RPLP0: variants seen among roughly 807,000 people sequenced by gnomAD.
RPLP0 encodes large ribosomal subunit protein uL10.
For missense variants in RPLP0, 276 were observed against 402.9 expected (o/e 0.69, Z 2.70); for synonymous variants, 137 against 153.4 (o/e 0.89, Z 0.79).
Position 120,198,779 on chromosome 12 carries a change from C to A in RPLP0, c.466-40G>T, listed in dbSNP as rs765771234. The A allele has an allele frequency of 6.2e-7, 1 of 1,609,238 alleles. No homozygotes were observed. Among genetic ancestry groups the A allele is most frequent in the East Asian group, 2.2e-5 (1 of 44,844 alleles). On this transcript the variant is annotated intron_variant, in intron 5 of 7. Transcript: ENST00000392514. This position sits in a 1 kb window ranked among gnomAD's most constrained non-coding sequence, Gnocchi z 4.1. ...AGTGGGGCAGTAAACACCTGTTGGA[C>A]AACCAGCAGATCCATGGCCACTAAA...
intron 2 of RPLP0, 176 bp downstream of exon 2, chr12:120,200,554 C>T: frequency 1.6e-6 from 1 of 642,232 alleles, no homozygotes; most frequent in Non-Finnish European, 2.6e-6. Flanking sequence ...CTTGCCTGAG[C>T]CCGTTTATCT....
chr12:120,200,647 T>G, intron 2 of RPLP0, 83 bp downstream of exon 2: 3 of 1,475,572 alleles, frequency 2.0e-6, no homozygotes, highest in South Asian at 2.5e-5. Context: ...CCGGTGTGAG[T>G]AGACCCTCAG....
chr12:120,197,510 G>C (rs1879228655), intron 6 of RPLP0, 48 bp from the exon 7 acceptor site: 2 of 1,513,600 alleles, frequency 1.3e-6, no homozygotes. Context: ...TACAGGAAAG[G>C]AAGTCCAAGT....
intron 2 of RPLP0, 33 bp from the exon 3 acceptor site, chr12:120,199,518 A>G (rs768918485): frequency 1.2e-6 from 2 of 1,600,644 alleles, no homozygotes; most frequent in Non-Finnish European, 1.7e-6. Context: ...GCCAAGTTTA[A>G]CAGGAAGAGA....
chr12:120,200,996 T>A, intron 1 of RPLP0, 87 bp downstream of exon 1: 1 of 728,750 alleles, frequency 1.4e-6, no homozygotes, highest in Non-Finnish European at 2.1e-6. Context: ...CGGAACAGAA[T>A]AGGACTCCAT....
rs573943623 is a variant in RPLP0, at chr12:120,199,646, GGAT to G, written c.55-164_55-162del. ...AGCTACGTTGTAACACTGCCAAACT[GGAT>G]GATTGGCTAGCTGGGTATGAACGCT... On this transcript the variant is annotated intron_variant, in intron 2 of 7. Coordinates refer to ENST00000392514, the MANE Select transcript of RPLP0 (RefSeq NM_001002.4). 5.2e-4 allele frequency: 348 copies of G among 665,896 alleles called. 1 individual carries two copies. The highest frequency in any genetic ancestry group is 3.6e-3 in the African/African-American group (199 of 55,220). 41.2% of individuals were successfully genotyped at this position (665,896 alleles called of 1,614,324 possible). A position where few individuals can be genotyped will look rare whatever the true frequency, so the allele number is the denominator to read the frequency against.
rs1227730541 is a variant in RPLP0, at chr12:120,198,386, CAAAA to C, written c.651+164_651+167del. 939 of 526,154 alleles carry C rather than the reference CAAAA, an allele frequency of 1.8e-3. 2 individuals are homozygous for C. The highest frequency in any genetic ancestry group is 0.012 in the Middle Eastern group (23 of 1,954). The allele number at this position is 526,154 out of a possible 1,614,324, so 32.6% of individuals were successfully genotyped here. A position where few individuals can be genotyped will look rare whatever the true frequency, so the allele number is the denominator to read the frequency against. Reference sequence around the variant, plus strand: ...GGGCGACACAGCAAGACTCTGTCTCCAAAAAAAAAAAAAAAAAATCCTTCAACAA... The same window carrying C: ...GGGCGACACAGCAAGACTCTGTCTCCAAAAAAAAAAAAAATCCTTCAACAA... On this transcript the variant is annotated intron_variant, in intron 6 of 7. Transcript: ENST00000392514. This position sits in a 1 kb window ranked among gnomAD's most constrained non-coding sequence, Gnocchi z 4.1.
rs572962769 is a variant in RPLP0 at position 120,198,929 on chromosome 12, G to C, written c.390C>G (p.Leu130=). Residue 130 remains leucine (L), a synonymous_variant, in exon 5 of 8, where the codon CTC becomes CTG. Coordinates refer to ENST00000392514, the MANE Select transcript of RPLP0 (RefSeq NM_001002.4). The surrounding 1 kb of genome is among the most constrained non-coding windows in gnomAD (Gnocchi z 4.1). The part of the protein sequence containing the change: ...EVTVPAQNTG[L]GPEKTSFFQA... ...GGAAAAAGGAGGTCTTCTCGGGCCC[G>C]AGACCAGTGTTCTGGGCTGGCACAG... The C allele has an allele frequency of 1.9e-6, 3 of 1,612,972 alleles. No individual in the cohort carries two copies. Among genetic ancestry groups the C allele is most frequent in the Admixed American group, 1.7e-5 (1 of 59,988 alleles).
rs11548351 is a variant in RPLP0, at chr12:120,198,635, C to A, written c.570G>T (p.Gln190His). 1 of 1,614,054 alleles carries A rather than the reference C, an allele frequency of 6.2e-7. No individual in the cohort carries two copies. Among genetic ancestry groups the A allele is most frequent in the South Asian group, 1.1e-5 (1 of 91,078 alleles). Reference protein sequence around the residue: ...ISPFSFGLVIQQVFDNGSIYN... With the variant: ...ISPFSFGLVIHQVFDNGSIYN... ...AGATGCTGCCATTGTCGAACACCTGCTGGATGACCAGCCCAAAGGAGAAGG... is the reference window on the plus strand; with the variant it reads ...AGATGCTGCCATTGTCGAACACCTGATGGATGACCAGCCCAAAGGAGAAGG... Residue 190 changes from glutamine (Q) to histidine (H), a missense_variant, in exon 6 of 8, where the codon CAG (glutamine) becomes CAT (histidine). Coordinates refer to ENST00000392514, the MANE Select transcript of RPLP0 (RefSeq NM_001002.4). This position sits in a 1 kb window ranked among gnomAD's most constrained non-coding sequence, Gnocchi z 4.1.
chr12:120,200,180 T>C (rs1344841926), intron 2 of RPLP0: 5 of 449,480 alleles, frequency 1.1e-5, no homozygotes, highest in African/African-American at 2.0e-5. Flanking sequence ...AACTGTAATG[T>C]GCGGCCGGGC....
intron 2 of RPLP0, chr12:120,200,198 C>A: frequency 2.3e-6 from 1 of 439,282 alleles, no homozygotes; most frequent in Non-Finnish European, 4.6e-6. Flanking sequence ...GGCGCGGTGG[C>A]TCACACCTGT....
chr12:120,198,402 A>AC lies in RPLP0; in HGVS notation c.651+151_651+152insG, dbSNP rs3832873. ...CTCTGTCTCCAAAAAAAAAAAAAAA[A>AC]AATCCTTCAACAATCTTATGTTGTT... On this transcript the variant is annotated intron_variant, in intron 6 of 7. Transcript: ENST00000392514. This position sits in a 1 kb window ranked among gnomAD's most constrained non-coding sequence, Gnocchi z 4.1. The AC allele has an allele frequency of 0.09, 72,435 of 808,776 alleles. 2,072 individuals carry two copies. The highest frequency in any genetic ancestry group is 0.3 in the East Asian group (9,970 of 33,520). 50.1% of individuals were successfully genotyped at this position (808,776 alleles called of 1,614,324 possible).
Position 120,198,673 on chromosome 12 carries a change from G to T in RPLP0, c.532C>A (p.Leu178Ile), listed in dbSNP as rs182313909. 6.2e-7 allele frequency: 1 copy of T among 1,614,064 alleles called. No homozygotes were observed. Among genetic ancestry groups the T allele is most frequent in the East Asian group, 2.2e-5 (1 of 44,888 alleles). The change falls in exon 6 of 8, where the codon CTC becomes ATC. Residue 178 changes from leucine to isoleucine, a missense_variant. Coordinates refer to ENST00000392514, the MANE Select transcript of RPLP0 (RefSeq NM_001002.4). The surrounding 1 kb of genome is among the most constrained non-coding windows in gnomAD (Gnocchi z 4.1). Reference protein sequence around the residue: ...GASEATLLNMLNISPFSFGLV... With the variant: ...GASEATLLNMINISPFSFGLV... The stretch of plus-strand genomic sequence containing the variant: ...CCAAAGGAGAAGGGGGAGATGTTGA[G>T]CATGTTCAGCAGCGTGGCTTCGCTG...
intron 2 of RPLP0, 32 bp downstream of exon 2, chr12:120,200,698 T>C (rs1297599454): frequency 1.2e-6 from 2 of 1,600,144 alleles, no homozygotes; most frequent in South Asian, 1.1e-5. Context: ...TGGGGCAACA[T>C]GAAGAGCAGA....
intron 1 of RPLP0, 64 bp from the exon 2 acceptor site, chr12:120,200,895 AGAG>A: frequency 6.7e-7 from 1 of 1,494,892 alleles, no homozygotes; most frequent in South Asian, 1.3e-5. Context: ...CCCGGGCCTA[AGAG>A]GAGCAGGACA....
chr12:120,197,540 C>G (rs1375572028), intron 6 of RPLP0, 78 bp from the exon 7 acceptor site: 1 of 1,521,224 alleles, frequency 6.6e-7, no homozygotes, highest in African/African-American at 1.4e-5. Flanking sequence ...TAAAGAGAAC[C>G]CTTAGCAGAC....
At chr12:120,197,809 A>C (rs566215257) in intron 6 of RPLP0, 1 of 244,464 alleles carries the variant, frequency 4.1e-6, no homozygotes, top group Admixed American at 4.9e-5. Flanking sequence ...TTCACTTGTC[A>C]AACTTTCAAC....
Position 120,199,105 on chromosome 12 carries a change from A to G in RPLP0, c.318+13T>C, listed in dbSNP as rs770333260. The G allele has an allele frequency of 7.4e-6, 12 of 1,612,192 alleles. No homozygotes were observed. The East Asian group carries it at 1.3e-4, about 18-fold the overall frequency. On this transcript the variant is annotated intron_variant, in intron 4 of 7. Transcript: ENST00000392514. ...CAACAAAGTCTCTTTAGCCAACCCAATTGTCCCCTTACCTTATTGGCCAGC... is the reference window on the plus strand; with the variant it reads ...CAACAAAGTCTCTTTAGCCAACCCAGTTGTCCCCTTACCTTATTGGCCAGC...
intron 7 of RPLP0, 171 bp downstream of exon 7, chr12:120,197,151 G>A: frequency 5.8e-6 from 6 of 1,026,004 alleles, no homozygotes; most frequent in Non-Finnish European, 8.8e-6. Context: ...TGGGTCTCTT[G>A]TCATTTCTCA....
Sources: gnomAD v4.1 joint callset for allele counts on GRCh38, gnomAD v4.1.1 for gene constraint, Gnocchi (gnomAD v3.1) non-coding constraint, MANE v1.5 for transcripts, NCBI Gene and HGNC (gene_info 2026-07-23, HGNC 2026-07-21) for gene names.